TGFBR2: variants seen among roughly 807,000 people sequenced by gnomAD.
TGFBR2 encodes the protein transforming growth factor beta receptor 2.
TGFBR2 carries 18 observed loss-of-function variants against 49.0 expected under a neutral mutation model. The ratio of observed to expected loss-of-function variants is 0.37; its 90% CI spans 0.25 to 0.54. TGFBR2 has a LOEUF of 0.54. Ranked by LOEUF, TGFBR2 falls within the 20% of genes least tolerant of loss-of-function variation. The probability of loss-of-function intolerance (pLI) is 0.85; values close to 1 mark genes in which losing one functional copy is unlikely to be tolerated. For synonymous variants in TGFBR2, 282 were observed against 275.9 expected (o/e 1.02, Z -0.22); for missense variants, 525 against 722.6 (o/e 0.73, Z 3.13).
In TGFBR2 at chr3:30,692,076, A is replaced by G; in HGVS notation, c.*477A>G. The G allele has an allele frequency of 4.4e-6, 1 of 226,280 alleles. No homozygotes were observed. The highest frequency in any genetic ancestry group is 8.8e-6 in the Non-Finnish European group (1 of 113,560). 14.0% of individuals were successfully genotyped at this position (226,280 alleles called of 1,614,324 possible). ...ACCCATGACAGCATTAGCATTTGAC[A>G]ATCACACATGCAGTGGTTCTCTGAC... On this transcript the variant is annotated 3_prime_UTR_variant, in exon 7 of 7. Coordinates refer to ENST00000295754, the MANE Select transcript of TGFBR2 (RefSeq NM_003242.6).
chr3:30,678,128 C>A (rs796238251), intron 5 of TGFBR2, among the ~76,000 whole-genome samples: 1 of 152,190 alleles, frequency 6.6e-6, no homozygotes, highest in Admixed American at 6.5e-5. Context: ...CCAGAGTCAT[C>A]TTCTCTGTAG....
chr3:30,664,478 TA>T (rs996765067), intron 3 of TGFBR2, among the ~76,000 whole-genome samples: 4 of 152,216 alleles, frequency 2.6e-5, no homozygotes, highest in Admixed American at 6.5e-5. Context: ...GTTACATAAA[TA>T]TTTTTTTAAA....
intron 1 of TGFBR2, among the ~76,000 whole-genome samples, chr3:30,610,248 G>A (rs1337126965): frequency 2.0e-5 from 3 of 152,122 alleles, no homozygotes; most frequent in Non-Finnish European, 2.9e-5. Context: ...AAAAGGATAC[G>A]TGTTTTAACT....
chr3:30,691,297 T>C, intron 6 of TGFBR2, 123 bp from the exon 7 acceptor site: 1 of 1,077,510 alleles, frequency 9.3e-7, no homozygotes, highest in Non-Finnish European at 1.4e-6. Flanking sequence ...TCAGCACATG[T>C]TAAATGCACA....
At chr3:30,619,435 A>G (rs1158449210) in intron 1 of TGFBR2, among the ~76,000 whole-genome samples, 1 of 152,128 alleles carries the variant, frequency 6.6e-6, no homozygotes, top group Non-Finnish European at 1.5e-5. Context: ...AGATCATCAC[A>G]TGGCCTTCCC....
intron 1 of TGFBR2, among the ~76,000 whole-genome samples, chr3:30,607,200 G>C (rs1033817125): frequency 6.6e-6 from 1 of 152,264 alleles, no homozygotes; most frequent in Non-Finnish European, 1.5e-5. Flanking sequence ...CGCGGGGCAC[G>C]TTTGGTCCCC....
chr3:30,679,213 T>G (rs1372373482), intron 5 of TGFBR2, among the ~76,000 whole-genome samples: 2 of 152,148 alleles, frequency 1.3e-5, no homozygotes, highest in Non-Finnish European at 2.9e-5. Flanking sequence ...GGCAGTGAGC[T>G]CAAAGGACTG....
At chr3:30,671,593 C>A (rs890580207) in intron 3 of TGFBR2, 45 bp from the exon 4 acceptor site, 3 of 1,603,876 alleles carry the variant, frequency 1.9e-6, no homozygotes, top group Non-Finnish European at 2.6e-6. Flanking sequence ...CAGTACTTAC[C>A]TACCACATCC....
At chr3:30,648,419 T>TAC (rs35473576) in intron 2 of TGFBR2, among the ~76,000 whole-genome samples, 9,491 of 115,482 alleles carry the variant, frequency 0.082, 407 homozygotes, top group South Asian at 0.16. Flanking sequence ...AAAAACAACC[T>TAC]ACACACACAC....
At chr3:30,631,884 C>G (rs1460707487) in intron 1 of TGFBR2, among the ~76,000 whole-genome samples, 1 of 152,078 alleles carries the variant, frequency 6.6e-6, no homozygotes, top group Non-Finnish European at 1.5e-5. Context: ...AGAGCCTTCT[C>G]CACTGCAACC....
intron 1 of TGFBR2, among the ~76,000 whole-genome samples, chr3:30,620,078 T>A (rs954020918): frequency 2.1e-4 from 32 of 152,008 alleles, no homozygotes; most frequent in Admixed American, 9.2e-4. Flanking sequence ...TCCCAGCTAC[T>A]CGGGAGGCTG....
rs918563043 is a variant in TGFBR2, at chr3:30,692,758, A to G, written c.*1159A>G. ...GACTATGACCTCAGGCACTCTAAACATATGTTTTGTTTGGTCAGCACAGCG... is the reference window on the plus strand; with the variant it reads ...GACTATGACCTCAGGCACTCTAAACGTATGTTTTGTTTGGTCAGCACAGCG... On this transcript the variant is annotated 3_prime_UTR_variant, in exon 7 of 7. Transcript: ENST00000295754. The G allele has an allele frequency of 1.9e-4, 44 of 233,102 alleles. 2 individuals are homozygous for G. The Admixed American group carries it at 1.9e-3, about 10-fold the overall frequency. 14.4% of individuals were successfully genotyped at this position (233,102 alleles called of 1,614,324 possible).
At chr3:30,654,183 A>G (rs1236970784) in intron 3 of TGFBR2, among the ~76,000 whole-genome samples, 1 of 152,232 alleles carries the variant, frequency 6.6e-6, no homozygotes, top group Non-Finnish European at 1.5e-5. Flanking sequence ...AAAATGGTGC[A>G]GAGATTTAAC....
chr3:30,663,605 G>A (rs1428110539), intron 3 of TGFBR2, among the ~76,000 whole-genome samples: 1 of 152,138 alleles, frequency 6.6e-6, no homozygotes, highest in East Asian at 1.9e-4. Flanking sequence ...ATACTTGGAT[G>A]ATAAAACAAG....
intron 3 of TGFBR2, among the ~76,000 whole-genome samples, chr3:30,663,954 A>G (rs907915763): frequency 9.0e-6 from 1 of 110,856 alleles, no homozygotes; most frequent in East Asian, 2.8e-4. Context: ...GAGAAAGGAA[A>G]GAGGAAGAGA....
At chr3:30,679,512 A>T (rs1315036359) in intron 5 of TGFBR2, among the ~76,000 whole-genome samples, 1 of 152,184 alleles carries the variant, frequency 6.6e-6, no homozygotes, top group Admixed American at 6.5e-5. Context: ...GCCTCGGGAG[A>T]TGTGTTGCAG....
Position 30,625,433 on chromosome 3 carries a change from C to T in TGFBR2, c.94+18456C>T, listed in dbSNP as rs117745390. Among the ~76,000 whole-genome samples, 11 of 152,226 alleles carry T rather than the reference C, an allele frequency of 7.2e-5. No homozygotes were observed. The East Asian group carries it at 1.4e-3, about 19-fold the overall frequency. The stretch of plus-strand genomic sequence containing the variant: ...GAGATATGCTTTCTCACATTTGTTT[C>T]CTTGAACTTACTTTTAATGTTGCCT... On this transcript the variant is annotated intron_variant, in intron 1 of 6. Transcript: ENST00000295754.
intron 5 of TGFBR2, among the ~76,000 whole-genome samples, chr3:30,680,986 G>A (rs78761841): frequency 0.013 from 1,984 of 152,034 alleles, 39 homozygotes; most frequent in African/African-American, 0.046. Flanking sequence ...AAATACTCTC[G>A]TCATCCCCAG....
chr3:30,674,031 C>T, intron 4 of TGFBR2, 74 bp from the exon 5 acceptor site: 1 of 1,589,736 alleles, frequency 6.3e-7, no homozygotes, highest in South Asian at 1.1e-5. Context: ...TCAGGGGCCA[C>T]CATCAGCTAT....
Sources: gnomAD v4.1 joint callset for allele counts (sites outside exome capture counted in the v4.1 genomes callset) on GRCh38, gnomAD v4.1.1 for gene constraint, MANE v1.5 for transcripts, NCBI Gene and HGNC (gene_info 2026-07-23, HGNC 2026-07-21) for gene names.